LCOR: variants seen among roughly 807,000 people sequenced by gnomAD.
LCOR encodes the protein ligand-dependent corepressor.
Under a neutral mutation model 64.4 loss-of-function variants are expected in LCOR, and 14 were observed. That is an observed-to-expected ratio of 0.22 (90% CI 0.14 to 0.34). LCOR has a LOEUF of 0.34. Ranked by LOEUF, LCOR falls within the 10% of genes least tolerant of loss-of-function variation. The probability of loss-of-function intolerance (pLI) is 1.00; values close to 1 mark genes in which losing one functional copy is unlikely to be tolerated. For synonymous variants in LCOR, 643 were observed against 642.5 expected (o/e 1.00, Z -0.01); for missense variants, 1,686 against 1,765.3 (o/e 0.96, Z 0.80).
At chr10:96,943,348 CG>C (rs373178505) in intron 4 of LCOR, among the ~76,000 whole-genome samples, 11 of 152,334 alleles carry the variant, frequency 7.2e-5, no homozygotes, top group African/African-American at 2.4e-4. Flanking sequence ...CCGCCCGCCT[CG>C]GCCTCCCTAA....
chr10:96,916,695 A>G (rs1280214934), intron 4 of LCOR, among the ~76,000 whole-genome samples: 2 of 151,106 alleles, frequency 1.3e-5, no homozygotes, highest in African/African-American at 2.4e-5. Context: ...GCTCGCTGCA[A>G]CCCTCACCTC....
intron 2 of LCOR, among the ~76,000 whole-genome samples, chr10:96,903,557 G>T (rs139226483): frequency 6.6e-6 from 1 of 151,748 alleles, no homozygotes; most frequent in African/African-American, 2.4e-5. Flanking sequence ...CTCTGTACTG[G>T]TTATCTCAGA....
intron 2 of LCOR, among the ~76,000 whole-genome samples, chr10:96,898,816 G>T (rs1846585635): frequency 1.3e-5 from 2 of 152,146 alleles, no homozygotes; most frequent in Admixed American, 1.3e-4. Context: ...TATAGTGCTT[G>T]CCTGATACCA....
rs182849015 is a variant in LCOR at position 96,993,490 on chromosome 10, A to G, written c.*8356A>G. 5.9e-4 allele frequency: 90 copies of G among 152,300 alleles called. No homozygotes were observed. Among genetic ancestry groups the G allele is most frequent in the African/African-American group, 2.1e-3 (87 of 41,566 alleles). The allele number at this position is 152,300 out of a possible 1,614,324, so 9.4% of individuals were successfully genotyped here. On this transcript the variant is annotated 3_prime_UTR_variant, in exon 8 of 8. Coordinates refer to ENST00000421806, the MANE Select transcript of LCOR (RefSeq NM_001346516.2). The stretch of plus-strand genomic sequence containing the variant: ...ATTTTGCTCTCGTCTAAATGTTCAC[A>G]AGAAGTAATGTTGTAAATAGTTTTC...
chr10:96,969,367 A>G (rs146845255), intron 7 of LCOR, among the ~76,000 whole-genome samples: 82 of 152,320 alleles, frequency 5.4e-4, no homozygotes, highest in African/African-American at 1.9e-3. Context: ...TTTTAGGGGA[A>G]TGTAATCAAA....
At chr10:96,868,178 C>T (rs1038987724) in intron 2 of LCOR, among the ~76,000 whole-genome samples, 7 of 152,022 alleles carry the variant, frequency 4.6e-5, no homozygotes, top group South Asian at 2.1e-4. Flanking sequence ...GCCACCGCAC[C>T]GGGCCGAATA....
At chr10:96,953,380 C>T (rs1316092269) in intron 7 of LCOR, among the ~76,000 whole-genome samples, 4 of 151,922 alleles carry the variant, frequency 2.6e-5, no homozygotes, top group East Asian at 1.9e-4. Context: ...GGCAAAACCC[C>T]GTCTCTACTA....
chr10:96,971,706 G>T (rs542459170), intron 7 of LCOR, among the ~76,000 whole-genome samples: 2 of 152,106 alleles, frequency 1.3e-5, no homozygotes, highest in Non-Finnish European at 2.9e-5. Flanking sequence ...ATAATGTGAC[G>T]CTGACTCTAA....
At position 96,983,934 on chromosome 10, in the gene LCOR, T is replaced by C. The variant is rs143484436; in HGVS notation, c.3474T>C (p.Cys1158=). ...AAAGCAAGAAAAGGTCACGGAAATGTAGGAGTTCATTGGAGAGTCAGAAGT... is the reference window on the plus strand; with the variant it reads ...AAAGCAAGAAAAGGTCACGGAAATGCAGGAGTTCATTGGAGAGTCAGAAGT... ...IWKSKKRSRK[C]RSSLESQKCS... Residue 1158 remains cysteine (C), a synonymous_variant, in exon 8 of 8, where the codon TGT becomes TGC. Transcript: ENST00000421806. The surrounding 1 kb of genome is among the most constrained non-coding windows in gnomAD (Gnocchi z 4.5). The C allele has an allele frequency of 1.2e-5, 19 of 1,614,094 alleles. No individual in the cohort carries two copies. Among genetic ancestry groups the C allele is most frequent in the Non-Finnish European group, 1.6e-5 (19 of 1,180,040 alleles).
intron 4 of LCOR, among the ~76,000 whole-genome samples, chr10:96,910,581 A>AT (rs1007441978): frequency 3.9e-5 from 6 of 151,986 alleles, no homozygotes; most frequent in African/African-American, 7.2e-5. Context: ...GAAATTAAGT[A>AT]TTTTTTTTGT....
chr10:96,839,119 T>C (rs12256225), intron 2 of LCOR, among the ~76,000 whole-genome samples: 23,669 of 152,224 alleles, frequency 0.16, 2,694 homozygotes, highest in African/African-American at 0.32. Context: ...TTCCTAACAG[T>C]GTGTTAAGCA....
intron 1 of LCOR, chr10:96,833,055 G>T (rs960706840): frequency 7.1e-6 from 7 of 986,310 alleles, no homozygotes; most frequent in Non-Finnish European, 7.2e-6. Context: ...GCCGCGGGGG[G>T]CAGCGGCTGC....
intron 2 of LCOR, among the ~76,000 whole-genome samples, chr10:96,876,182 G>A (rs908494113): frequency 6.6e-6 from 1 of 152,170 alleles, no homozygotes; most frequent in African/African-American, 2.4e-5. Flanking sequence ...GTCCAAGGTT[G>A]AGGAGCCATA....
intron 4 of LCOR, among the ~76,000 whole-genome samples, chr10:96,916,907 G>T (rs1211988613): frequency 6.6e-6 from 1 of 152,190 alleles, no homozygotes; most frequent in Non-Finnish European, 1.5e-5. Context: ...GAGCCACTGT[G>T]CCCAGCCTCT....
chr10:96,983,417 A>C lies in LCOR; in HGVS notation c.2957A>C (p.His986Pro), dbSNP rs1406670830. 6.2e-7 allele frequency: 1 copy of C among 1,614,222 alleles called. No individual in the cohort carries two copies. Among genetic ancestry groups the C allele is most frequent in the Admixed American group, 1.7e-5 (1 of 60,034 alleles). ...KEEPGHIPTQ[H>P]VEEAVNEVDN... is the part of the protein sequence containing the mutation. The stretch of plus-strand genomic sequence containing the variant: ...GAGCCAGGGCATATTCCCACACAGC[A>C]TGTGGAGGAGGCTGTGAATGAGGTA... The change falls in exon 8 of 8, where the codon CAT (histidine) becomes CCT (proline). Residue 986 changes from histidine (H) to proline (P), a missense_variant. Around this residue, in one of 3 missense-constraint regions of LCOR, gnomAD observed 1,293 missense variants for 1,410.4 expected, o/e 0.92. Coordinates refer to ENST00000421806, the MANE Select transcript of LCOR (RefSeq NM_001346516.2). This position sits in a 1 kb window ranked among gnomAD's most constrained non-coding sequence, Gnocchi z 4.5.
chr10:96,944,161 G>A lies in LCOR; in HGVS notation c.-135G>A, dbSNP rs1019706159. On this transcript the variant is annotated 5_prime_UTR_variant, in exon 5 of 8. Transcript: ENST00000421806. ...ACCAGCTTCGGGAGCTGGGCAAGAA[G>A]CTCTGCTTAAACAAGAGCAAGCAAA... 1.0e-6 allele frequency: 1 copy of A among 985,548 alleles called. No individual in the cohort carries two copies. Among genetic ancestry groups the A allele is most frequent in the African/African-American group, 1.7e-5 (1 of 57,212 alleles). 61.1% of individuals were successfully genotyped at this position (985,548 alleles called of 1,614,324 possible).
intron 2 of LCOR, among the ~76,000 whole-genome samples, chr10:96,905,918 G>T (rs1479993831): frequency 2.6e-5 from 4 of 152,170 alleles, no homozygotes; most frequent in Admixed American, 2.6e-4. Context: ...TTAATACCAA[G>T]GCAAAGAAAT....
intron 2 of LCOR, among the ~76,000 whole-genome samples, chr10:96,904,819 G>T (rs184658391): frequency 6.6e-6 from 1 of 152,180 alleles, no homozygotes; most frequent in Non-Finnish European, 1.5e-5. Context: ...GTCAAGCATA[G>T]CACGTCAGAC....
At chr10:96,848,011 TC>T (rs1845661627) in intron 2 of LCOR, among the ~76,000 whole-genome samples, 1 of 152,222 alleles carries the variant, frequency 6.6e-6, no homozygotes, top group Non-Finnish European at 1.5e-5. Flanking sequence ...GTATGTTACT[TC>T]TCAGATATTA....
Sources: gnomAD v4.1 joint callset for allele counts (sites outside exome capture counted in the v4.1 genomes callset) on GRCh38, gnomAD v4.1.1 for gene constraint, gnomAD v4.1.1 regional missense constraint, Gnocchi (gnomAD v3.1) non-coding constraint, MANE v1.5 for transcripts, NCBI Gene and HGNC (gene_info 2026-07-23, HGNC 2026-07-21) for gene names.